Variants in IL1RAPL2 observed in about 807,000 individuals in gnomAD.
IL1RAPL2 encodes interleukin 1 receptor accessory protein like 2, also known as X-linked interleukin-1 receptor accessory protein-like 2.
A neutral mutation model predicts 44.1 loss-of-function variants in IL1RAPL2; 3 were observed. The observed-to-expected ratio is 0.07, with a 90% confidence interval of 0.03 to 0.18. The LOEUF (loss-of-function observed/expected upper bound fraction) is 0.18, where lower values mean the gene tolerates loss of function less well. Ranked by LOEUF, IL1RAPL2 falls within the 10% of genes least tolerant of loss-of-function variation. IL1RAPL2 has a pLI of 1.00. For missense variants in IL1RAPL2, 391 were observed against 496.4 expected (o/e 0.79, Z 2.02); for synonymous variants, 181 against 178.8 (o/e 1.01, Z -0.10).
At position 105,648,123 on chromosome X, in the gene IL1RAPL2, G is replaced by T. The variant is rs189596189; in HGVS notation, c.773-69244G>T. 1.3e-4 allele frequency among the ~76,000 whole-genome samples: 15 copies of T among 111,877 alleles called. No individual in the cohort carries two copies. The East Asian group carries it at 4.2e-3, about 31-fold the overall frequency. On this transcript the variant is annotated intron_variant, in intron 6 of 10. Coordinates refer to ENST00000372582, the MANE Select transcript of IL1RAPL2 (RefSeq NM_017416.2). The stretch of plus-strand genomic sequence containing the variant: ...CAATAACATGGTAAGAACTTGATAC[G>T]TTCATTCATATTAATGAGAAGATAA...
At chrX:105,092,969 A>C (rs778905287) in intron 2 of IL1RAPL2, among the ~76,000 whole-genome samples, 7 of 111,690 alleles carry the variant, frequency 6.3e-5, no homozygotes, top group African/African-American at 2.3e-4. Flanking sequence ...TAATAGGCAG[A>C]AATTGTACTA....
At chrX:104,863,256 A>G (rs768034911) in intron 2 of IL1RAPL2, among the ~76,000 whole-genome samples, 1 of 111,565 alleles carries the variant, frequency 9.0e-6, no homozygotes, top group African/African-American at 3.3e-5. Flanking sequence ...GAGAGGGAGA[A>G]AGACACTAAA....
intron 6 of IL1RAPL2, among the ~76,000 whole-genome samples, chrX:105,603,524 C>T (rs1288238751): frequency 9.0e-6 from 1 of 111,162 alleles, no homozygotes; most frequent in African/African-American, 3.3e-5. Flanking sequence ...CCAGAGCACC[C>T]AGATATCAAA....
intron 6 of IL1RAPL2, among the ~76,000 whole-genome samples, chrX:105,545,609 G>A (rs762423215): frequency 3.6e-5 from 4 of 111,704 alleles, no homozygotes; most frequent in East Asian, 2.8e-4. Context: ...TTCTTTTATC[G>A]CTTTGAATAT....
intron 1 of IL1RAPL2, among the ~76,000 whole-genome samples, chrX:104,643,044 A>G: frequency 8.9e-6 from 1 of 112,261 alleles, no homozygotes; most frequent in African/African-American, 3.2e-5. Flanking sequence ...GTTCTCCAGA[A>G]AAATGAATGA....
chrX:104,692,409 G>A (rs1931106113), intron 2 of IL1RAPL2, among the ~76,000 whole-genome samples: 1 of 109,675 alleles, frequency 9.1e-6, no homozygotes, highest in South Asian at 4.0e-4. Flanking sequence ...ATGCAGGTTT[G>A]TCACATATGT....
intron 5 of IL1RAPL2, among the ~76,000 whole-genome samples, chrX:105,422,478 G>A (rs562231985): frequency 1.4e-4 from 16 of 111,961 alleles, no homozygotes; most frequent in Admixed American, 8.5e-4. Context: ...CTCCAATTGC[G>A]TCCTGTTATA....
intron 5 of IL1RAPL2, among the ~76,000 whole-genome samples, chrX:105,392,916 G>A (rs944796319): frequency 8.9e-6 from 1 of 112,207 alleles, no homozygotes; most frequent in Admixed American, 9.5e-5. Context: ...TACTCTTTAA[G>A]TCTATGATTC....
chrX:104,652,967 G>A (rs1930180270), intron 1 of IL1RAPL2, among the ~76,000 whole-genome samples: 1 of 110,571 alleles, frequency 9.0e-6, no homozygotes, highest in African/African-American at 3.3e-5. Context: ...TGCCTGTTTT[G>A]TTATTGCTTT....
At chrX:104,882,817 A>G (rs780988987) in intron 2 of IL1RAPL2, among the ~76,000 whole-genome samples, 10 of 111,724 alleles carry the variant, frequency 9.0e-5, no homozygotes, top group African/African-American at 3.3e-4. Flanking sequence ...CACTACCTTT[A>G]TGAGCTGTAA....
chrX:105,028,940 C>T (rs1039593205), intron 2 of IL1RAPL2, among the ~76,000 whole-genome samples: 11 of 109,916 alleles, frequency 1.0e-4, no homozygotes, highest in Admixed American at 5.9e-4. Context: ...TTTATAAATA[C>T]TTATGTATTT....
intron 6 of IL1RAPL2, among the ~76,000 whole-genome samples, chrX:105,511,541 A>G (rs763786369): frequency 1.4e-3 from 155 of 111,196 alleles, no homozygotes; most frequent in African/African-American, 4.7e-3. Context: ...TGTCCTCTCC[A>G]TAATAAATAG....
chrX:104,661,552 C>T (rs926772568), intron 2 of IL1RAPL2, among the ~76,000 whole-genome samples: 1 of 111,280 alleles, frequency 9.0e-6, no homozygotes, highest in African/African-American at 3.3e-5. Context: ...CTTTTCAACT[C>T]TACCTTTCTG....
At position 105,717,299 on chromosome X, in the gene IL1RAPL2, A is replaced by G. The variant is rs188583800; in HGVS notation, c.773-68A>G. The G allele has an allele frequency of 1.5e-4, 150 of 980,936 alleles. 2 individuals are homozygous for G. The East Asian group carries it at 5.2e-3, about 34-fold the overall frequency. The allele number at this position is 980,936 out of a possible 1,213,427, so 80.8% of individuals were successfully genotyped here. The stretch of plus-strand genomic sequence containing the variant: ...CTCTGAGTTTTCCTTTGGATGTTAA[A>G]TGGTCGCTTCCTGTCTCCCACTGAT... On this transcript the variant is annotated intron_variant, in intron 6 of 10. Transcript: ENST00000372582.
At chrX:104,919,694 C>CCT (rs1569342919) in intron 2 of IL1RAPL2, among the ~76,000 whole-genome samples, 7 of 92,126 alleles carry the variant, frequency 7.6e-5, no homozygotes, top group Non-Finnish European at 6.4e-5. Context: ...ACCACACCCA[C>CCT]TTTTTTTTTT....
intron 6 of IL1RAPL2, among the ~76,000 whole-genome samples, chrX:105,638,126 C>T (rs2037537638): frequency 8.9e-6 from 1 of 111,745 alleles, no homozygotes; most frequent in African/African-American, 3.2e-5. Flanking sequence ...ATATTCCTTT[C>T]CTTAGCAAAT....
intron 5 of IL1RAPL2, among the ~76,000 whole-genome samples, chrX:105,448,611 C>T (rs2035994250): frequency 9.0e-6 from 1 of 110,998 alleles, no homozygotes; most frequent in Non-Finnish European, 1.9e-5. Context: ...GTGATCCACC[C>T]TCCTTGGCCT....
chrX:104,689,178 C>A (rs1235434776), intron 2 of IL1RAPL2, among the ~76,000 whole-genome samples: 1 of 112,194 alleles, frequency 8.9e-6, no homozygotes, highest in African/African-American at 3.2e-5. Flanking sequence ...TTCATCTGAT[C>A]TTTCTTGTTA....
chrX:104,876,492 G>A lies in IL1RAPL2; in HGVS notation c.82+217497G>A, dbSNP rs773835929. Among the ~76,000 whole-genome samples the A allele has an allele frequency of 5.4e-5, 6 of 110,684 alleles. No individual in the cohort carries two copies. In the East Asian group the frequency reaches 8.5e-4, roughly 16 times the overall value. On this transcript the variant is annotated intron_variant, in intron 2 of 10. Coordinates refer to ENST00000372582, the MANE Select transcript of IL1RAPL2 (RefSeq NM_017416.2). ...AATCAAAATGTTTCTTAATGCTGAC[G>A]TAGTTACTAAAACCTATCTATACAA... is the stretch of plus-strand genomic sequence containing the variant.
Sources: allele counts gnomAD v4.1 joint callset (sites outside exome capture counted in the v4.1 genomes callset), GRCh38; gene constraint gnomAD v4.1.1; transcripts MANE v1.5; gene names NCBI Gene and HGNC (gene_info 2026-07-23, HGNC 2026-07-21).